PPFIA2: variants seen among roughly 807,000 people sequenced by gnomAD.
PPFIA2 encodes liprin-alpha-2.
A neutral mutation model predicts 175.5 loss-of-function variants in PPFIA2; 46 were observed. The ratio of observed to expected loss-of-function variants is 0.26; its 90% CI spans 0.21 to 0.34. PPFIA2 has a LOEUF of 0.34. PPFIA2 is among the 10% of genes least tolerant of loss of function. The probability of loss-of-function intolerance (pLI) is 1.00; values close to 1 mark genes in which losing one functional copy is unlikely to be tolerated. For synonymous variants in PPFIA2, 568 were observed against 511.4 expected (o/e 1.11, Z -1.49); for missense variants, 1,179 against 1,506.1 (o/e 0.78, Z 3.60).
At chr12:81,661,055 C>T (rs949183473) in intron 4 of PPFIA2, among the ~76,000 whole-genome samples, 10 of 152,178 alleles carry the variant, frequency 6.6e-5, no homozygotes, top group Non-Finnish European at 1.2e-4. Flanking sequence ...AAGCACTAAA[C>T]ATGGAAAGGA....
chr12:81,397,242 G>A (rs1056714654), intron 8 of PPFIA2, among the ~76,000 whole-genome samples: 2 of 151,866 alleles, frequency 1.3e-5, no homozygotes. Context: ...ACATGTGGAG[G>A]GCTGAGCCCT....
chr12:81,313,292 G>C (rs1239428019), intron 22 of PPFIA2, among the ~76,000 whole-genome samples: 1 of 151,972 alleles, frequency 6.6e-6, no homozygotes, highest in South Asian at 2.1e-4. Context: ...TAACAAAATA[G>C]AAAGCAGAAA....
intron 3 of PPFIA2, among the ~76,000 whole-genome samples, chr12:81,709,307 CT>C (rs1480065648): frequency 1.3e-5 from 2 of 152,110 alleles, no homozygotes; most frequent in Non-Finnish European, 2.9e-5. Context: ...ACCACTTCCC[CT>C]AATGTAGGAA....
At position 81,341,225 on chromosome 12, in the gene PPFIA2, T is replaced by G. The variant is rs573990717; in HGVS notation, c.2263-17A>C. On this transcript the variant is annotated splice_polypyrimidine_tract_variant and intron_variant, in intron 19 of 32. Transcript: ENST00000549396. ...AACTGCAATCTAGAAGCAAAAACAATACATTCAAATAAACCCTTTCTAAAT... is the reference window on the plus strand; with the variant it reads ...AACTGCAATCTAGAAGCAAAAACAAGACATTCAAATAAACCCTTTCTAAAT... The G allele has an allele frequency of 6.2e-7, 1 of 1,607,798 alleles. No homozygotes were observed. The highest frequency in any genetic ancestry group is 8.5e-7 in the Non-Finnish European group (1 of 1,176,150).
intron 28 of PPFIA2, among the ~76,000 whole-genome samples, chr12:81,275,159 C>T (rs534678173): frequency 6.6e-6 from 1 of 152,166 alleles, no homozygotes; most frequent in Admixed American, 6.5e-5. Flanking sequence ...CATCTTTGGT[C>T]CATTAATTCC....
rs192247844 is a variant in PPFIA2 at position 81,377,363 on chromosome 12, A to T, written c.985-1421T>A. On this transcript the variant is annotated intron_variant, in intron 9 of 32. Transcript: ENST00000549396. ...GAGTTCGAGACCAGCCTGCCTGGCT[A>T]ACATGGTGAAATCCCGTCTCTACTA... 3.7e-4 allele frequency among the ~76,000 whole-genome samples: 56 copies of T among 152,218 alleles called. 1 individual carries two copies. In the East Asian group the frequency reaches 0.011, roughly 29 times the overall value.
At chr12:81,730,805 AC>A (rs571918298) in intron 3 of PPFIA2, among the ~76,000 whole-genome samples, 49 of 151,698 alleles carry the variant, frequency 3.2e-4, no homozygotes, top group Admixed American at 9.2e-4. Flanking sequence ...AAATGTTATT[AC>A]CCTAAACCTG....
chr12:81,261,805 C>A (rs895406095), intron 32 of PPFIA2, 144 bp downstream of exon 32: 10 of 564,334 alleles, frequency 1.8e-5, no homozygotes, highest in East Asian at 1.5e-4. Context: ...ATGAAGATTT[C>A]TTTTTCCCCT....
At chr12:81,429,040 C>G (rs954647337) in intron 7 of PPFIA2, among the ~76,000 whole-genome samples, 2 of 151,988 alleles carry the variant, frequency 1.3e-5, no homozygotes, top group African/African-American at 4.8e-5. Flanking sequence ...ATCTGACTTT[C>G]TGTTCGAATG....
chr12:81,493,815 GA>G (rs1392110268), intron 4 of PPFIA2, among the ~76,000 whole-genome samples: 2 of 137,358 alleles, frequency 1.5e-5, no homozygotes, highest in Non-Finnish European at 3.1e-5. Flanking sequence ...ACAGCATTTT[GA>G]ACATAGAAAC....
rs779034444 is a variant in PPFIA2, at chr12:81,384,232, C to G, written c.775G>C (p.Gly259Arg). ...QKVHEKRLSN[G>R]SIDSTDETSQ... ...GTTTCATCGGTTGAGTCTATAGAACCATTGGACAAACGCTGCAGAAATAGA... is the reference window on the plus strand; with the variant it reads ...GTTTCATCGGTTGAGTCTATAGAACGATTGGACAAACGCTGCAGAAATAGA... The change falls in exon 9 of 33, where the codon GGT (glycine) becomes CGT (arginine). Residue 259 changes from glycine (G) to arginine (R), a missense_variant. Physicochemically the swap from Gly to Arg is moderately radical, Grantham distance 125. This residue lies in a region of PPFIA2 where 226 missense variants were observed against 216.6 expected (regional missense o/e 1.04). Transcript: ENST00000549396. The G allele has an allele frequency of 6.3e-7, 1 of 1,574,806 alleles. No homozygotes were observed. The highest frequency in any genetic ancestry group is 2.3e-5 in the East Asian group (1 of 43,590).
chr12:81,560,275 A>T (rs7132604), intron 4 of PPFIA2, among the ~76,000 whole-genome samples: 58 of 150,516 alleles, frequency 3.9e-4, no homozygotes, highest in Admixed American at 4.6e-4. Flanking sequence ...TGTGTGTGTG[A>T]GAGAGAGAGA....
intron 21 of PPFIA2, among the ~76,000 whole-genome samples, chr12:81,328,543 TC>T (rs1369249831): frequency 2.0e-5 from 3 of 152,240 alleles, no homozygotes; most frequent in African/African-American, 7.2e-5. Flanking sequence ...TTTTAACTTT[TC>T]TTAATGTAGC....
chr12:81,613,676 A>T (rs900330314), intron 4 of PPFIA2, among the ~76,000 whole-genome samples: 2 of 152,108 alleles, frequency 1.3e-5, no homozygotes, highest in Admixed American at 6.6e-5. Context: ...AGAGATAATA[A>T]GTTTCCTTAG....
intron 24 of PPFIA2, among the ~76,000 whole-genome samples, chr12:81,291,758 T>C (rs1219210082): frequency 6.6e-6 from 1 of 151,802 alleles, no homozygotes; most frequent in African/African-American, 2.4e-5. Flanking sequence ...TCAGAGGAAA[T>C]ATGTAAAGGA....
rs2055371811 is a variant in PPFIA2 at position 81,465,135 on chromosome 12, A to G, written c.304-7269T>C. 4 of 152,258 alleles carry G rather than the reference A, an allele frequency of 2.6e-5. No homozygotes were observed. The South Asian group carries it at 8.3e-4, about 32-fold the overall frequency. The allele number at this position is 152,258 out of a possible 1,614,324, so 9.4% of individuals were successfully genotyped here. A position where few individuals can be genotyped will look rare whatever the true frequency, so the allele number is the denominator to read the frequency against. On this transcript the variant is annotated intron_variant, in intron 4 of 32. Transcript: ENST00000549396. ...CAGAGAAATCTCTGACAATGCATTC[A>G]TCTTGATTACAATTTTAATACTCTT...
At chr12:81,739,317 C>T (rs1017758516) in intron 3 of PPFIA2, among the ~76,000 whole-genome samples, 2 of 152,044 alleles carry the variant, frequency 1.3e-5, no homozygotes, top group African/African-American at 4.8e-5. Flanking sequence ...ACTCAAGCAA[C>T]ATCAACTGCC....
At chr12:81,672,398 T>C (rs1033850294) in intron 4 of PPFIA2, among the ~76,000 whole-genome samples, 4 of 151,950 alleles carry the variant, frequency 2.6e-5, no homozygotes, top group African/African-American at 9.7e-5. Flanking sequence ...TTGTTTTAAA[T>C]TCTGTGGTGT....
intron 4 of PPFIA2, among the ~76,000 whole-genome samples, chr12:81,652,955 C>A (rs922270723): frequency 3.3e-5 from 5 of 152,024 alleles, no homozygotes; most frequent in Admixed American, 2.0e-4. Context: ...TAGGAGCCAT[C>A]TTTAATTTTC....
Sources: allele counts gnomAD v4.1 joint callset (sites outside exome capture counted in the v4.1 genomes callset), GRCh38; gene constraint gnomAD v4.1.1; regional missense constraint gnomAD v4.1.1; transcripts MANE v1.5; gene names NCBI Gene and HGNC (gene_info 2026-07-23, HGNC 2026-07-21).